The following AEBP2 variants were observed in gnomAD, a reference collection of about 807,000 sequenced individuals.
The protein encoded by AEBP2 is zinc finger protein AEBP2.
A neutral mutation model predicts 50.8 loss-of-function variants in AEBP2; 10 were observed. The observed-to-expected ratio is 0.20, with a 90% CI of 0.12 to 0.33. The LOEUF is 0.33. Ranked by LOEUF, AEBP2 falls within the 10% of genes least tolerant of loss-of-function variation. The pLI, the probability that AEBP2 is intolerant of heterozygous loss-of-function variation, is 1.00. For missense variants in AEBP2, 570 were observed against 688.0 expected (o/e 0.83, Z 1.92); for synonymous variants, 296 against 261.3 (o/e 1.13, Z -1.28).
intron 1 of AEBP2, among the ~76,000 whole-genome samples, chr12:19,454,370 C>CA (rs540914603): frequency 5.2e-4 from 79 of 152,266 alleles, no homozygotes; most frequent in African/African-American, 1.8e-3. Context: ...CACACACACA[C>CA]ACTTGGCTAG....
chr12:19,457,476 C>G, intron 1 of AEBP2: 1 of 1,508,440 alleles, frequency 6.6e-7, no homozygotes, highest in South Asian at 1.3e-5. Context: ...ATCCAAGACC[C>G]AGGCCTACTT....
Position 19,495,464 on chromosome 12 carries a change from CTT to C in AEBP2, c.1174+1480_1174+1481del, listed in dbSNP as rs1280523792. Among the ~76,000 whole-genome samples the C allele has an allele frequency of 2.6e-5, 4 of 151,602 alleles. No homozygotes were observed. In the East Asian group the frequency reaches 7.8e-4, roughly 29 times the overall value. The stretch of plus-strand genomic sequence containing the variant: ...GCGGACAAATGAACAAACCAGAAAA[CTT>C]TATATTTCGTTTTTATTTTTTTTCT... On this transcript the variant is annotated intron_variant, in intron 4 of 7. Transcript: ENST00000266508.
At chr12:19,428,542 T>G (rs965042027) in intron 1 of AEBP2, among the ~76,000 whole-genome samples, 2 of 152,212 alleles carry the variant, frequency 1.3e-5, no homozygotes. Context: ...CTGGGTGCGG[T>G]GGCTCACGCC....
At chr12:19,445,707 T>C (rs1386280351) in intron 1 of AEBP2, among the ~76,000 whole-genome samples, 1 of 151,946 alleles carries the variant, frequency 6.6e-6, no homozygotes, top group Non-Finnish European at 1.5e-5. Flanking sequence ...ATGACAAGAG[T>C]CTGCAAATGA....
intron 3 of AEBP2, among the ~76,000 whole-genome samples, chr12:19,479,363 GA>G (rs1199771566): frequency 2.6e-5 from 4 of 152,046 alleles, no homozygotes; most frequent in Non-Finnish European, 4.4e-5. Flanking sequence ...CTATTATTTG[GA>G]AAACTTACTT....
At position 19,509,820 on chromosome 12, in the gene AEBP2, C is replaced by CTTTT. The variant is rs57103167; in HGVS notation, c.1300-2555_1300-2552dup. ...ATAATATTAGTAACATGGCTACTTT[C>CTTTT]TTTTTTTTTTTTTTTTTTTTTTTTT... On this transcript the variant is annotated intron_variant, in intron 5 of 7. Transcript: ENST00000266508. Among the ~76,000 whole-genome samples the CTTTT allele has an allele frequency of 1.3e-4, 9 of 68,750 alleles. 1 individual carries two copies. Among genetic ancestry groups the CTTTT allele is most frequent in the African/African-American group, 4.1e-4 (7 of 17,126 alleles). 45.1% of individuals were successfully genotyped at this position (68,750 alleles called of 152,430 possible).
intron 5 of AEBP2, among the ~76,000 whole-genome samples, chr12:19,503,448 A>T (rs745386626): frequency 6.6e-6 from 1 of 151,622 alleles, no homozygotes; most frequent in Non-Finnish European, 1.5e-5. Context: ...TTGTACATTG[A>T]TTTTTTTTGT....
In AEBP2 at chr12:19,488,319, G is replaced by A. The variant is rs148551951; in HGVS notation, c.988-5481G>A. The stretch of plus-strand genomic sequence containing the variant: ...TTTTTTTTTTTTTTTGTAGAGACAG[G>A]GTTTTGCCATGTTGGCTAGGCTGGT... On this transcript the variant is annotated intron_variant, in intron 3 of 7. Coordinates refer to ENST00000266508, the MANE Select transcript of AEBP2 (RefSeq NM_153207.5). 4.4e-3 allele frequency among the ~76,000 whole-genome samples: 657 copies of A among 149,736 alleles called. 3 individuals carry two copies. The highest frequency in any genetic ancestry group is 0.016 in the African/African-American group (633 of 40,752).
chr12:19,439,666 G>GGGAGGAGGGGGA lies in AEBP2; in HGVS notation c.-26_-25insGGGAGGAGGAGG. Reference sequence around the variant, plus strand: ...GAGTCGAGAGAGGGAGGCGGCGGTGGGGAGGAGGAGGAGGAGGAGGAGCAG... The same window carrying GGGAGGAGGGGGA: ...GAGTCGAGAGAGGGAGGCGGCGGTGGGGAGGAGGGGGAGGAGGAGGAGGAGGAGGAGGAGCAG... On this transcript the variant is annotated 5_prime_UTR_variant, in exon 1 of 8. Coordinates refer to ENST00000266508, the MANE Select transcript of AEBP2 (RefSeq NM_153207.5). 1 of 1,474,994 alleles carries GGGAGGAGGGGGA rather than the reference G, an allele frequency of 6.8e-7. No homozygotes were observed. Among genetic ancestry groups the GGGAGGAGGGGGA allele is most frequent in the Admixed American group, 2.1e-5 (1 of 48,536 alleles). 91.4% of individuals were successfully genotyped at this position (1,474,994 alleles called of 1,614,324 possible).
chr12:19,498,802 T>G (rs1949023554), intron 4 of AEBP2, among the ~76,000 whole-genome samples: 2 of 152,268 alleles, frequency 1.3e-5, no homozygotes, highest in South Asian at 4.1e-4. Context: ...CAGTGTATAA[T>G]TTTTTTGATC....
chr12:19,468,836 C>G (rs1948528334), intron 2 of AEBP2, among the ~76,000 whole-genome samples: 1 of 152,168 alleles, frequency 6.6e-6, no homozygotes, highest in Non-Finnish European at 1.5e-5. Context: ...GAGTTCTCAA[C>G]AGAAAGCCAA....
At chr12:19,450,164 C>T (rs1000898668) in intron 1 of AEBP2, among the ~76,000 whole-genome samples, 2 of 151,954 alleles carry the variant, frequency 1.3e-5, no homozygotes, top group Non-Finnish European at 2.9e-5. Flanking sequence ...CTGTTTAAGA[C>T]CAGTTTTATA....
chr12:19,518,178 A>G lies in AEBP2; in HGVS notation c.*61A>G, dbSNP rs1231275170. On this transcript the variant is annotated 3_prime_UTR_variant, in exon 8 of 8. Coordinates refer to ENST00000266508, the MANE Select transcript of AEBP2 (RefSeq NM_153207.5). ...GACACCTGCAGTCTTAGTCACTGAC[A>G]ATGGGTTTAGGGAAAGTTGCACATT... 15 of 1,512,688 alleles carry G rather than the reference A, an allele frequency of 9.9e-6. No individual in the cohort carries two copies. The highest frequency in any genetic ancestry group is 1.3e-5 in the Non-Finnish European group (15 of 1,132,622). 93.7% of individuals were successfully genotyped at this position (1,512,688 alleles called of 1,614,324 possible).
At chr12:19,406,018 G>C (rs1264891545) in intron 1 of AEBP2, among the ~76,000 whole-genome samples, 1 of 149,588 alleles carries the variant, frequency 6.7e-6, no homozygotes, top group Admixed American at 6.7e-5. Context: ...CCAGGCTGGA[G>C]TGCAGTGGTG....
intron 1 of AEBP2, among the ~76,000 whole-genome samples, chr12:19,407,434 G>T (rs1478526142): frequency 2.0e-5 from 3 of 152,100 alleles, no homozygotes; most frequent in African/African-American, 7.2e-5. Context: ...CTCCCAAGTA[G>T]CTGGGATTAC....
At chr12:19,415,322 A>C (rs1266431720) in intron 1 of AEBP2, among the ~76,000 whole-genome samples, 2 of 50,686 alleles carry the variant, frequency 3.9e-5, no homozygotes, top group African/African-American at 2.1e-4. Context: ...GTCTCAAAAA[A>C]AAAAAAAAAA....
At chr12:19,410,193 G>A (rs1294897772) in intron 1 of AEBP2, among the ~76,000 whole-genome samples, 1 of 152,144 alleles carries the variant, frequency 6.6e-6, no homozygotes, top group East Asian at 1.9e-4. Context: ...TGGTTGTGGA[G>A]TATAAATGAA....
At chr12:19,465,218 C>T (rs762519340) in intron 2 of AEBP2, among the ~76,000 whole-genome samples, 3 of 151,718 alleles carry the variant, frequency 2.0e-5, no homozygotes, top group Non-Finnish European at 2.9e-5. Context: ...TATGGTGAAA[C>T]CCCGTCTCTA....
chr12:19,499,171 T>C (rs183315459), intron 4 of AEBP2, among the ~76,000 whole-genome samples: 413 of 152,304 alleles, frequency 2.7e-3, no homozygotes, highest in African/African-American at 9.5e-3. Context: ...GTAATGCAGG[T>C]TAAGTAGTTT....
Sources: allele counts gnomAD v4.1 joint callset (sites outside exome capture counted in the v4.1 genomes callset), GRCh38; gene constraint gnomAD v4.1.1; transcripts MANE v1.5; gene names NCBI Gene and HGNC (gene_info 2026-07-23, HGNC 2026-07-21).